Variants in CSMD1 observed in about 807,000 individuals in gnomAD.
CSMD1 encodes CUB and Sushi multiple domains 1.
CSMD1 carries 213 observed loss-of-function variants against 417.5 expected under a neutral mutation model. That is an observed-to-expected ratio of 0.51 (90% CI 0.46 to 0.57). CSMD1 has a LOEUF of 0.57. Among genes scored for constraint, CSMD1 ranks in the 20% least tolerant of loss-of-function variants. The pLI is 0.00. For missense variants in CSMD1, 6,923 were observed against 4,529.7 expected (o/e 1.53, Z -15.17); for synonymous variants, 2,862 against 1,736.8 (o/e 1.65, Z -16.11).
intron 40 of CSMD1, among the ~76,000 whole-genome samples, chr8:3,146,147 G>C (rs7844078): frequency 0.19 from 29,251 of 152,028 alleles, 4,224 homozygotes; most frequent in African/African-American, 0.39. Flanking sequence ...TAATTTTGGA[G>C]AGCATTGTGT....
intron 3 of CSMD1, among the ~76,000 whole-genome samples, chr8:4,165,263 C>T (rs1433983110): frequency 5.3e-5 from 8 of 152,172 alleles, no homozygotes; most frequent in Admixed American, 4.6e-4. Context: ...TCTGTTGCAG[C>T]GAAAGTTACA....
intron 3 of CSMD1, among the ~76,000 whole-genome samples, chr8:4,095,791 A>G (rs1376885291): frequency 6.6e-6 from 1 of 152,204 alleles, no homozygotes; most frequent in Non-Finnish European, 1.5e-5. Flanking sequence ...AAGGTTTTAT[A>G]TATGTATTTG....
chr8:4,441,260 GT>G (rs34935169), intron 2 of CSMD1, among the ~76,000 whole-genome samples: 1,052 of 66,750 alleles, frequency 0.016, 3 homozygotes, highest in South Asian at 0.019. Flanking sequence ...ACTACACTCA[GT>G]TTTTTTTTTT....
chr8:2,991,848 A>G (rs967412320), intron 54 of CSMD1, among the ~76,000 whole-genome samples: 2 of 152,220 alleles, frequency 1.3e-5, no homozygotes, highest in African/African-American at 2.4e-5. Flanking sequence ...TTTTTAATAA[A>G]TTCCACCTAT....
At chr8:4,077,343 A>G (rs1029234636) in intron 3 of CSMD1, among the ~76,000 whole-genome samples, 43 of 146,724 alleles carry the variant, frequency 2.9e-4, no homozygotes, top group African/African-American at 8.9e-4. Flanking sequence ...TAGATTATAT[A>G]TAATTTATAT....
chr8:3,066,174 C>T (rs1238193723), intron 49 of CSMD1, among the ~76,000 whole-genome samples: 2 of 152,166 alleles, frequency 1.3e-5, no homozygotes, highest in African/African-American at 4.8e-5. Flanking sequence ...GCATCGTGTA[C>T]AATTCTCTTG....
At chr8:3,892,947 T>C (rs571815204) in intron 5 of CSMD1, among the ~76,000 whole-genome samples, 2 of 142,744 alleles carry the variant, frequency 1.4e-5, no homozygotes, top group South Asian at 4.9e-4. Flanking sequence ...AAGGAAGTTT[T>C]CTCAAGTCTG....
At chr8:3,411,245 CA>C (rs1227352307) in intron 12 of CSMD1, among the ~76,000 whole-genome samples, 2 of 152,112 alleles carry the variant, frequency 1.3e-5, no homozygotes, top group Non-Finnish European at 2.9e-5. Context: ...ACACCAGTCC[CA>C]AAAGTGCATT....
chr8:4,439,306 C>T (rs974256546), intron 2 of CSMD1, among the ~76,000 whole-genome samples: 1 of 152,006 alleles, frequency 6.6e-6, no homozygotes, highest in South Asian at 2.1e-4. Context: ...GCCAAAATTA[C>T]CTTGGTAATC....
chr8:4,875,598 C>T (rs1371330609), intron 1 of CSMD1, among the ~76,000 whole-genome samples: 1 of 152,016 alleles, frequency 6.6e-6, no homozygotes. Context: ...GTTTTGCCCT[C>T]TAAGCGTAGC....
intron 12 of CSMD1, among the ~76,000 whole-genome samples, chr8:3,441,888 G>A (rs1402685082): frequency 6.6e-6 from 1 of 151,970 alleles, no homozygotes; most frequent in Non-Finnish European, 1.5e-5. Context: ...GGTCCGTCAG[G>A]AGGTATCCAG....
At chr8:3,496,453 G>C (rs1396741850) in intron 10 of CSMD1, among the ~76,000 whole-genome samples, 2 of 152,332 alleles carry the variant, frequency 1.3e-5, no homozygotes, top group African/African-American at 4.8e-5. Flanking sequence ...ACAGAGCTAG[G>C]AGTGTTTATT....
chr8:3,352,381 G>A (rs1039984410), intron 21 of CSMD1, among the ~76,000 whole-genome samples: 2 of 152,100 alleles, frequency 1.3e-5, no homozygotes, highest in African/African-American at 4.8e-5. Context: ...ATTGACTTGT[G>A]ACACAAATTC....
At chr8:3,039,935 C>T (rs1810978593) in intron 50 of CSMD1, among the ~76,000 whole-genome samples, 2 of 152,142 alleles carry the variant, frequency 1.3e-5, no homozygotes, top group South Asian at 4.1e-4. Flanking sequence ...CTTTAATAAA[C>T]ATAGTCATAG....
intron 51 of CSMD1, among the ~76,000 whole-genome samples, chr8:3,025,435 C>T (rs1012603682): frequency 1.4e-4 from 18 of 130,678 alleles, no homozygotes; most frequent in Middle Eastern, 5.6e-3. Context: ...ATTCTGAAAC[C>T]GTGTATTGTG....
intron 10 of CSMD1, among the ~76,000 whole-genome samples, chr8:3,502,422 A>C (rs1796643397): frequency 6.6e-6 from 1 of 151,418 alleles, no homozygotes; most frequent in Non-Finnish European, 1.5e-5. Context: ...ATGTACGTTT[A>C]TAGCAACTTT....
chr8:3,999,913 T>C (rs952839185), intron 4 of CSMD1, among the ~76,000 whole-genome samples: 3 of 152,160 alleles, frequency 2.0e-5, no homozygotes, highest in African/African-American at 4.8e-5. Flanking sequence ...AGGAAACTCA[T>C]TTTTTAGATC....
At chr8:2,945,992 C>T (rs868133735) in intron 68 of CSMD1, among the ~76,000 whole-genome samples, 4 of 152,162 alleles carry the variant, frequency 2.6e-5, no homozygotes, top group Non-Finnish European at 5.9e-5. Context: ...AGAAATGCTT[C>T]GTGAGGCAAT....
At chr8:4,057,835 G>C (rs186123085) in intron 3 of CSMD1, among the ~76,000 whole-genome samples, 3 of 152,308 alleles carry the variant, frequency 2.0e-5, no homozygotes, top group Non-Finnish European at 2.9e-5. Flanking sequence ...TCAAAGATCA[G>C]ATAGTTGTAG....
Sources: allele counts gnomAD v4.1 joint callset (sites outside exome capture counted in the v4.1 genomes callset), GRCh38; gene constraint gnomAD v4.1.1; transcripts MANE v1.5; gene names NCBI Gene and HGNC (gene_info 2026-07-23, HGNC 2026-07-21).